ANKDD1B: variants seen among roughly 807,000 people sequenced by gnomAD.
The protein encoded by ANKDD1B is ankyrin repeat and death domain containing 1B.
ANKDD1B carries 57 observed loss-of-function variants against 59.7 expected under a neutral mutation model. The ratio of observed to expected loss-of-function variants is 0.95; its 90% CI spans 0.77 to 1.19. The LOEUF (loss-of-function observed/expected upper bound fraction) is 1.19. Among genes scored for constraint, ANKDD1B ranks in the 50% most tolerant of loss-of-function variants. ANKDD1B has a pLI of 0.00. For missense variants in ANKDD1B, 602 were observed against 641.9 expected, an observed-to-expected ratio of 0.94 and a Z score of 0.67; for synonymous variants, 216 against 239.5, an observed-to-expected ratio of 0.90 and a Z score of 0.91.
chr5:75,657,771 C>G (rs1199269436), intron 9 of ANKDD1B, among the ~76,000 whole-genome samples: 1 of 151,890 alleles, frequency 6.6e-6, no homozygotes, highest in South Asian at 2.1e-4. Context: ...AGCTGGGCGC[C>G]TGTAATCCCA....
chr5:75,623,875 A>G (rs544686555), intron 3 of ANKDD1B, among the ~76,000 whole-genome samples: 1 of 152,344 alleles, frequency 6.6e-6, no homozygotes, highest in East Asian at 1.9e-4. Context: ...TTATGCCTCA[A>G]TAATTTGGGA....
At chr5:75,663,156 G>C (rs1403379297) in intron 10 of ANKDD1B, among the ~76,000 whole-genome samples, 1 of 152,170 alleles carries the variant, frequency 6.6e-6, no homozygotes, top group African/African-American at 2.4e-5. Flanking sequence ...CTGCAAAAGA[G>C]GCTAGGAAAT....
intron 13 of ANKDD1B, among the ~76,000 whole-genome samples, chr5:75,670,459 A>G (rs1227602185): frequency 1.3e-5 from 2 of 152,226 alleles, no homozygotes; most frequent in African/African-American, 4.8e-5. Flanking sequence ...CATGAATCCA[A>G]TTTTTCAGAA....
At chr5:75,620,260 C>A in intron 2 of ANKDD1B, 55 bp from the exon 3 acceptor site, 1 of 925,756 alleles carries the variant, frequency 1.1e-6, no homozygotes, top group Non-Finnish European at 1.6e-6. Flanking sequence ...AACAGGAAAC[C>A]TAAAATCACT....
At chr5:75,649,859 C>T (rs1019291845) in intron 7 of ANKDD1B, among the ~76,000 whole-genome samples, 1 of 152,158 alleles carries the variant, frequency 6.6e-6, no homozygotes, top group Non-Finnish European at 1.5e-5. Flanking sequence ...TACAAGTCTA[C>T]CAATCTATGG....
chr5:75,666,270 C>T (rs1353057894), intron 11 of ANKDD1B, among the ~76,000 whole-genome samples: 1 of 152,080 alleles, frequency 6.6e-6, no homozygotes. Flanking sequence ...CCTTAGTCAC[C>T]TCTTCCCCAA....
chr5:75,662,431 T>C (rs989135945), intron 10 of ANKDD1B, among the ~76,000 whole-genome samples: 4 of 152,194 alleles, frequency 2.6e-5, no homozygotes, highest in African/African-American at 9.7e-5. Context: ...TATCTAACCA[T>C]GTAAGATAAT....
intron 5 of ANKDD1B, among the ~76,000 whole-genome samples, chr5:75,628,357 T>C (rs1385380662): frequency 1.3e-5 from 2 of 152,152 alleles, no homozygotes; most frequent in Non-Finnish European, 2.9e-5. Flanking sequence ...CACTTAATAA[T>C]GGTTAAGATG....
chr5:75,616,505 C>T (rs551366301), intron 1 of ANKDD1B, among the ~76,000 whole-genome samples: 8 of 152,240 alleles, frequency 5.3e-5, no homozygotes, highest in East Asian at 1.9e-4. Context: ...AGTCTATGGC[C>T]GCCTTCTGAC....
intron 9 of ANKDD1B, 28 bp from the exon 10 acceptor site, chr5:75,659,255 T>C: frequency 6.7e-7 from 1 of 1,499,972 alleles, no homozygotes; most frequent in Non-Finnish European, 9.0e-7. Flanking sequence ...ACCGTCCAAG[T>C]TTGTTCCCCT....
chr5:75,651,006 C>T (rs1774814876), intron 7 of ANKDD1B, among the ~76,000 whole-genome samples: 1 of 152,210 alleles, frequency 6.6e-6, no homozygotes, highest in African/African-American at 2.4e-5. Context: ...AGCCTACAGC[C>T]TGGGAACTGG....
chr5:75,648,355 A>G (rs144548114), intron 7 of ANKDD1B, among the ~76,000 whole-genome samples: 1 of 151,634 alleles, frequency 6.6e-6, no homozygotes, highest in Non-Finnish European at 1.5e-5. Flanking sequence ...GTCATTACAC[A>G]GGTGCCTCCT....
At chr5:75,625,062 T>A (rs773472857) in intron 3 of ANKDD1B, among the ~76,000 whole-genome samples, 1 of 152,180 alleles carries the variant, frequency 6.6e-6, no homozygotes, top group Non-Finnish European at 1.5e-5. Flanking sequence ...TCCTTATATA[T>A]ATAGAATTAG....
At chr5:75,666,511 CTG>C (rs540522440) in intron 11 of ANKDD1B, among the ~76,000 whole-genome samples, 106 of 152,258 alleles carry the variant, frequency 7.0e-4, no homozygotes, top group African/African-American at 2.5e-3. Flanking sequence ...GACAGCCTCT[CTG>C]TTCTCATTCT....
chr5:75,656,498 G>A (rs1239938072), intron 9 of ANKDD1B, among the ~76,000 whole-genome samples: 1 of 152,196 alleles, frequency 6.6e-6, no homozygotes, highest in Non-Finnish European at 1.5e-5. Context: ...CAAGAAGGAA[G>A]CTTTGTTTCT....
chr5:75,618,509 T>C (rs1773769533), intron 2 of ANKDD1B, among the ~76,000 whole-genome samples: 1 of 152,246 alleles, frequency 6.6e-6, no homozygotes, highest in African/African-American at 2.4e-5. Context: ...TCTAATGACA[T>C]CTGTTTACTG....
chr5:75,658,858 G>T (rs1262995673), intron 9 of ANKDD1B, among the ~76,000 whole-genome samples: 1 of 151,922 alleles, frequency 6.6e-6, no homozygotes, highest in Non-Finnish European at 1.5e-5. Flanking sequence ...ACATTCATTT[G>T]GTATAATATC....
At chr5:75,660,633 T>A (rs1482751726) in intron 10 of ANKDD1B, among the ~76,000 whole-genome samples, 1 of 152,210 alleles carries the variant, frequency 6.6e-6, no homozygotes, top group African/African-American at 2.4e-5. Context: ...CTGTGTTAGG[T>A]TCCAGCTTTA....
chr5:75,637,367 T>C (rs2112982461), intron 7 of ANKDD1B, among the ~76,000 whole-genome samples: 2 of 151,824 alleles, frequency 1.3e-5, no homozygotes, highest in South Asian at 2.1e-4. Flanking sequence ...GGATGGTCAC[T>C]TCTCAACCTA....
Sources: allele counts gnomAD v4.1 joint callset (sites outside exome capture counted in the v4.1 genomes callset), GRCh38; gene constraint gnomAD v4.1.1; transcripts MANE v1.5; gene names NCBI Gene and HGNC (gene_info 2026-07-23, HGNC 2026-07-21).